Variants in FBXL4 observed in about 807,000 individuals in gnomAD.
The protein encoded by FBXL4 is F-box and leucine rich repeat protein 4, also known as F-box/LRR-repeat protein 4.
A neutral mutation model predicts 58.9 loss-of-function variants in FBXL4; 40 were observed. The observed-to-expected ratio is 0.68, with a 90% confidence interval of 0.53 to 0.88. The LOEUF is 0.88. Ranked by LOEUF, FBXL4 falls within the 40% of genes least tolerant of loss-of-function variation. FBXL4 has a pLI of 0.00. For missense variants in FBXL4, 676 were observed against 734.4 expected (o/e 0.92, Z 0.92); for synonymous variants, 263 against 265.5 (o/e 0.99, Z 0.09).
chr6:98,939,075 C>CAAAAAAAAA (rs3068704), intron 1 of FBXL4, among the ~76,000 whole-genome samples: 1 of 25,260 alleles, frequency 4.0e-5, no homozygotes, highest in Non-Finnish European at 1.1e-4. Flanking sequence ...GACCTTGTCT[C>CAAAAAAAAA]AAAAAAAAAA....
At chr6:98,922,053 G>A (rs9492772) in intron 4 of FBXL4, among the ~76,000 whole-genome samples, 21,275 of 152,004 alleles carry the variant, frequency 0.14, 1,617 homozygotes, top group East Asian at 0.21. Context: ...TCAGCCTCCC[G>A]AATAGCTGGA....
chr6:98,915,943 G>C (rs893998380), intron 5 of FBXL4, among the ~76,000 whole-genome samples: 12 of 152,020 alleles, frequency 7.9e-5, no homozygotes, highest in Non-Finnish European at 8.8e-5. Context: ...CTAATATCCA[G>C]AATCTACAAT....
intron 1 of FBXL4, among the ~76,000 whole-genome samples, chr6:98,946,768 C>A (rs1250752209): frequency 1.3e-5 from 2 of 152,196 alleles, no homozygotes; most frequent in Non-Finnish European, 2.9e-5. Flanking sequence ...ATTCAAGGAA[C>A]TTTTAGAGTG....
chr6:98,897,245 C>G lies in FBXL4; in HGVS notation c.1317+2023G>C, dbSNP rs778691477. 3 of 985,122 alleles carry G rather than the reference C, an allele frequency of 3.0e-6. No individual in the cohort carries two copies. In the Admixed American group the frequency reaches 1.8e-4, roughly 61 times the overall value. 61.0% of individuals were successfully genotyped at this position (985,122 alleles called of 1,614,324 possible). A position where few individuals can be genotyped will look rare whatever the true frequency, so the allele number is the denominator to read the frequency against. ...AAATAGTAAATGTGCCAGTAAAAAG[C>G]AGGTATGGCATAATTTCAGAATGAA... On this transcript the variant is annotated intron_variant, in intron 7 of 9. Transcript: ENST00000369244.
chr6:98,899,860 C>A (rs1582394570), intron 6 of FBXL4, among the ~76,000 whole-genome samples: 1 of 152,024 alleles, frequency 6.6e-6, no homozygotes, highest in Non-Finnish European at 1.5e-5. Context: ...AGATATTTCC[C>A]CCTCAACAGT....
rs1770520124 is a variant in FBXL4 at position 98,872,568 on chromosome 6, G to GATC, written c.*1709_*1710insGAT. ...AAAAATTGTTCTAAATTATTGTTTTGAATTTTGTCAATAAAATTTTCGTGC... is the reference window on the plus strand; with the variant it reads ...AAAAATTGTTCTAAATTATTGTTTTGATCAATTTTGTCAATAAAATTTTCGTGC... On this transcript the variant is annotated 3_prime_UTR_variant, in exon 10 of 10. Coordinates refer to ENST00000369244, the MANE Select transcript of FBXL4 (RefSeq NM_001278716.2). The GATC allele has an allele frequency of 6.6e-6, 1 of 151,976 alleles. No homozygotes were observed. The highest frequency in any genetic ancestry group is 6.6e-5 in the Admixed American group (1 of 15,250). The allele number at this position is 151,976 out of a possible 1,614,324, so 9.4% of individuals were successfully genotyped here. A position where few individuals can be genotyped will look rare whatever the true frequency, so the allele number is the denominator to read the frequency against.
In FBXL4 at chr6:98,871,655, A is replaced by G. The variant is rs1199778845; in HGVS notation, c.*2623T>C. The G allele has an allele frequency of 6.6e-6, 1 of 152,224 alleles. No homozygotes were observed. Among genetic ancestry groups the G allele is most frequent in the Non-Finnish European group, 1.5e-5 (1 of 68,046 alleles). 9.4% of individuals were successfully genotyped at this position (152,224 alleles called of 1,614,324 possible). On this transcript the variant is annotated 3_prime_UTR_variant, in exon 10 of 10. Coordinates refer to ENST00000369244, the MANE Select transcript of FBXL4 (RefSeq NM_001278716.2). Reference sequence around the variant, plus strand: ...GTTATTTACTGTATTATTCATCAGCAGGTACTTTGTGGGATATATTTGATT... The same window carrying G: ...GTTATTTACTGTATTATTCATCAGCGGGTACTTTGTGGGATATATTTGATT...
intron 2 of FBXL4, among the ~76,000 whole-genome samples, chr6:98,934,206 A>T (rs1370392176): frequency 6.6e-6 from 1 of 152,182 alleles, no homozygotes; most frequent in Non-Finnish European, 1.5e-5. Flanking sequence ...TGCACTCCAA[A>T]TCTGTGTTAA....
intron 7 of FBXL4, chr6:98,898,885 C>T (rs1771501917): frequency 8.1e-6 from 8 of 985,386 alleles, no homozygotes; most frequent in Non-Finnish European, 8.4e-6. Context: ...ACCCCCAAGT[C>T]TGGTCCAGGA....
intron 4 of FBXL4, among the ~76,000 whole-genome samples, chr6:98,923,204 A>G (rs1310047502): frequency 1.3e-5 from 2 of 152,058 alleles, no homozygotes; most frequent in African/African-American, 4.8e-5. Flanking sequence ...GGGACTTCAC[A>G]TGATATTGCA....
At chr6:98,917,940 T>C (rs1772433508) in intron 4 of FBXL4, among the ~76,000 whole-genome samples, 1 of 152,190 alleles carries the variant, frequency 6.6e-6, no homozygotes, top group Non-Finnish European at 1.5e-5. Context: ...AGTCCTTTTT[T>C]ACAGATTTCA....
intron 5 of FBXL4, among the ~76,000 whole-genome samples, chr6:98,912,973 T>C (rs1246527057): frequency 6.6e-6 from 1 of 151,562 alleles, no homozygotes; most frequent in East Asian, 1.9e-4. Flanking sequence ...AATAAAAGGA[T>C]GGAGGAAGAT....
At chr6:98,937,583 G>C (rs1030506597) in intron 1 of FBXL4, among the ~76,000 whole-genome samples, 3 of 152,116 alleles carry the variant, frequency 2.0e-5, no homozygotes, top group African/African-American at 7.2e-5. Context: ...GGAAGAGGAG[G>C]GGTGGTCCTT....
chr6:98,906,838 TC>T (rs1771834302), intron 5 of FBXL4, among the ~76,000 whole-genome samples: 1 of 152,134 alleles, frequency 6.6e-6, no homozygotes, highest in African/African-American at 2.4e-5. Context: ...ATCTGTTGTT[TC>T]CTGACTTTTT....
chr6:98,899,519 A>T lies in FBXL4; in HGVS notation c.1104-38T>A, dbSNP rs1213896501. 1.9e-5 allele frequency: 30 copies of T among 1,582,652 alleles called. 1 individual carries two copies. The Admixed American group carries it at 5.4e-4, about 29-fold the overall frequency. On this transcript the variant is annotated intron_variant, in intron 6 of 9. Coordinates refer to ENST00000369244, the MANE Select transcript of FBXL4 (RefSeq NM_001278716.2). ...CATTCTATGTGAATTTTATAAAACT[A>T]AAAGATATTTTTGCAAGAACTTTGG...
chr6:98,940,312 T>C (rs1290180820), intron 1 of FBXL4, among the ~76,000 whole-genome samples: 2 of 152,190 alleles, frequency 1.3e-5, no homozygotes, highest in African/African-American at 2.4e-5. Context: ...TCCAAACCCA[T>C]GTTGTTCAAG....
chr6:98,875,127 G>A (rs1364524715), intron 9 of FBXL4: 2 of 371,720 alleles, frequency 5.4e-6, no homozygotes, highest in South Asian at 6.2e-5. Flanking sequence ...AGAGAGCGCA[G>A]CTCATGTAAA....
chr6:98,872,491 G>C lies in FBXL4; in HGVS notation c.*1787C>G, dbSNP rs1241199235. 1.3e-5 allele frequency: 2 copies of C among 152,108 alleles called. No individual in the cohort carries two copies. The highest frequency in any genetic ancestry group is 1.5e-5 in the Non-Finnish European group (1 of 68,016). 9.4% of individuals were successfully genotyped at this position (152,108 alleles called of 1,614,324 possible). A position where few individuals can be genotyped will look rare whatever the true frequency, so the allele number is the denominator to read the frequency against. The stretch of plus-strand genomic sequence containing the variant: ...TTTAATGACACGAAACATTAACTTT[G>C]ATCCTCCCTGTAAATATTTAATTCT... On this transcript the variant is annotated 3_prime_UTR_variant, in exon 10 of 10. Transcript: ENST00000369244.
Position 98,927,019 on chromosome 6 carries a change from C to A in FBXL4, c.-31G>T. 6.3e-7 allele frequency: 1 copy of A among 1,598,972 alleles called. No individual in the cohort carries two copies. Among genetic ancestry groups the A allele is most frequent in the South Asian group, 1.1e-5 (1 of 89,342 alleles). On this transcript the variant is annotated 5_prime_UTR_variant, in exon 4 of 10. The change abolishes the stop of an existing upstream ORF in the 5' untranslated region. Transcript: ENST00000369244. ...TGTGAATTATGAAGCTTCAAAAGGT[C>A]AGGTGTCCTCAGTAAGATGCATGAA...
Sources: allele counts gnomAD v4.1 joint callset (sites outside exome capture counted in the v4.1 genomes callset), GRCh38; gene constraint gnomAD v4.1.1; transcripts MANE v1.5; gene names NCBI Gene and HGNC (gene_info 2026-07-23, HGNC 2026-07-21).